The following ABCA3 variants were observed in gnomAD, a reference collection of about 807,000 sequenced individuals.
The protein encoded by ABCA3 is phospholipid-transporting ATPase ABCA3.
ABCA3 carries 88 observed loss-of-function variants against 172.8 expected under a neutral mutation model. The observed-to-expected ratio is 0.51, with a 90% CI of 0.43 to 0.61. The LOEUF (loss-of-function observed/expected upper bound fraction) is 0.61, where lower values mean the gene tolerates loss of function less well. Ranked by LOEUF, ABCA3 falls within the 20% of genes least tolerant of loss-of-function variation. The pLI, the probability that ABCA3 is intolerant of heterozygous loss-of-function variation, is 0.00. For synonymous variants in ABCA3, 1,066 were observed against 983.8 expected (o/e 1.08, Z -1.56); for missense variants, 2,164 against 2,301.0 (o/e 0.94, Z 1.22).
chr16:2,276,752 G>A lies in ABCA3; in HGVS notation c.5037C>T (p.Ser1679=), dbSNP rs558489414. The change falls in exon 33 of 33, where the codon TCC becomes TCT. Residue 1679 remains serine, a synonymous_variant. Coordinates refer to ENST00000301732, the MANE Select transcript of ABCA3 (RefSeq NM_001089.3). ...CCTGTTCCAGCGAGATCTGGCTCAC[G>A]GAGTAGTCGTCCACGCCGTACTTTT... ...AKEKYGVDDY[S]VSQISLEQVF... is the part of the protein sequence containing the mutation. 2.2e-5 allele frequency: 35 copies of A among 1,614,012 alleles called. No homozygotes were observed. In the Middle Eastern group the frequency reaches 4.9e-4, roughly 23 times the overall value.
rs1263339711 is a variant in ABCA3 at position 2,295,670 on chromosome 16, G to T, written c.2334C>A (p.His778Gln). The change falls in exon 18 of 33, where the codon CAC (histidine) becomes CAA (glutamine). Residue 778 changes from histidine to glutamine, a missense_variant. By Grantham distance (24) the His-to-Gln change is conservative. Around this residue, in one of 3 missense-constraint regions of ABCA3, gnomAD observed 1,343 missense variants for 1,369.6 expected, o/e 0.98. Transcript: ENST00000301732. ...CCAGCGTGGCGTTGGGCACGTGGTG[G>T]TGGACCAGCTGGGAGATGTCTTCCG... ...CNPEDISQLV[H>Q]HHVPNATLES... 9 of 1,614,078 alleles carry T rather than the reference G, an allele frequency of 5.6e-6. No individual in the cohort carries two copies. The highest frequency in any genetic ancestry group is 3.3e-4 in the Middle Eastern group (2 of 6,062).
At position 2,297,292 on chromosome 16, in the gene ABCA3, G is replaced by T; in HGVS notation, c.2263+37C>A. ...GCCATTCCCTCAGCACGGCAGCCAG[G>T]ACACCGACCCTGTCGCGGGCTGGCC... On this transcript the variant is annotated intron_variant, in intron 17 of 32. Coordinates refer to ENST00000301732, the MANE Select transcript of ABCA3 (RefSeq NM_001089.3). The surrounding 1 kb of genome is among the most constrained non-coding windows in gnomAD (Gnocchi z 5.6). 1 of 1,603,306 alleles carries T rather than the reference G, an allele frequency of 6.2e-7. No homozygotes were observed. Among genetic ancestry groups the T allele is most frequent in the South Asian group, 1.1e-5 (1 of 90,844 alleles).
chr16:2,288,065 C>T lies in ABCA3; in HGVS notation c.2965G>A (p.Ala989Thr), dbSNP rs753800479. The T allele has an allele frequency of 2.2e-5, 35 of 1,612,184 alleles. No individual in the cohort carries two copies. Among genetic ancestry groups the T allele is most frequent in the Middle Eastern group, 1.7e-4 (1 of 6,056 alleles). ...GGCTCCTGTCCCTCAGCCTGCAGTG[C>T]GTCTTTCAGATGCTCTGACAGCTGC... is the stretch of plus-strand genomic sequence containing the variant. ...GQQLSEHLKD[A>T]LQAEGQEPRE... The change falls in exon 21 of 33, where the codon GCA becomes ACA. Residue 989 changes from alanine to threonine, a missense_variant. By Grantham distance (58) the Ala-to-Thr change is moderately conservative (BLOSUM62 0). Transcript: ENST00000301732.
In ABCA3 at chr16:2,281,264, C is replaced by T. The variant is rs529812305; in HGVS notation, c.4165-43G>A. On this transcript the variant is annotated intron_variant, in intron 27 of 32. Coordinates refer to ENST00000301732, the MANE Select transcript of ABCA3 (RefSeq NM_001089.3). This position sits in a 1 kb window ranked among gnomAD's most constrained non-coding sequence, Gnocchi z 4.7. ...AAAACACGGAATGCGGAGGCCTGGA[C>T]GCAAAGCAGAGCAGTCTGAGCCTCA... is the stretch of plus-strand genomic sequence containing the variant. 8.8e-5 allele frequency: 142 copies of T among 1,613,172 alleles called. No individual in the cohort carries two copies. The highest frequency in any genetic ancestry group is 5.2e-4 in the South Asian group (47 of 91,084).
intron 9 of ABCA3, 42 bp downstream of exon 9, chr16:2,317,606 C>T (rs1318249455): frequency 1.7e-5 from 27 of 1,609,106 alleles, no homozygotes; most frequent in South Asian, 5.5e-5. Context: ...GGTGCCCTGG[C>T]TCTCCCCGTC....
At chr16:2,318,984 G>C (rs1253128491) in intron 8 of ABCA3, among the ~76,000 whole-genome samples, 1 of 151,116 alleles carries the variant, frequency 6.6e-6, no homozygotes, top group Non-Finnish European at 1.5e-5. Context: ...TCATTTTATA[G>C]CCCACTGCTG....
chr16:2,289,660 C>T (rs766370716), intron 19 of ABCA3, 40 bp from the exon 20 acceptor site: 13 of 1,540,104 alleles, frequency 8.4e-6, no homozygotes, highest in Admixed American at 2.0e-5. Context: ...GACCCAGCTC[C>T]CCGGGTGGGT....
At position 2,278,101 on chromosome 16, in the gene ABCA3, TG is replaced by T; in HGVS notation, c.4719-33del. 1 of 1,612,716 alleles carries T rather than the reference TG, an allele frequency of 6.2e-7. No homozygotes were observed. The highest frequency in any genetic ancestry group is 2.2e-5 in the East Asian group (1 of 44,882). ...AGAGGGCGGGACCTCAGATAGGGCTTGGGGTGCCAAAGGCTTGTGCAGACAG... is the reference window on the plus strand; with the variant it reads ...AGAGGGCGGGACCTCAGATAGGGCTTGGGTGCCAAAGGCTTGTGCAGACAG... On this transcript the variant is annotated intron_variant, in intron 30 of 32. Transcript: ENST00000301732. The surrounding 1 kb of genome is among the most constrained non-coding windows in gnomAD (Gnocchi z 4.4).
At chr16:2,307,991 G>A (rs543475397) in intron 11 of ABCA3, among the ~76,000 whole-genome samples, 1 of 152,230 alleles carries the variant, frequency 6.6e-6, no homozygotes, top group East Asian at 1.9e-4. Context: ...CTATTCAGGA[G>A]GCTGAGGCAG....
At chr16:2,323,356 G>C in intron 7 of ABCA3, 167 bp downstream of exon 7, 2 of 835,932 alleles carry the variant, frequency 2.4e-6, no homozygotes, top group Non-Finnish European at 4.0e-6. Flanking sequence ...ACATGCACAC[G>C]TATGTTTATT....
In ABCA3 at chr16:2,283,137, A is replaced by C. The variant is rs770229669; in HGVS notation, c.4035+49T>G. 32 of 1,580,398 alleles carry C rather than the reference A, an allele frequency of 2.0e-5. No homozygotes were observed. The highest frequency in any genetic ancestry group is 3.5e-5 in the Admixed American group (2 of 56,982). On this transcript the variant is annotated intron_variant, in intron 26 of 32. Transcript: ENST00000301732. The surrounding 1 kb of genome is among the most constrained non-coding windows in gnomAD (Gnocchi z 5.4). ...CCCAGGTTGTGCTGGGCCCAAGCAG[A>C]GACGTGGGGAGCATCTCGCCAGTGT... is the stretch of plus-strand genomic sequence containing the variant.
In ABCA3 at chr16:2,277,840, AGGGCCCACCCAGTGGGGGCTGCC is replaced by A. The variant is rs1161139763; in HGVS notation, c.4909+16_4909+38del. ...ATGGGAGAGGCCTAGGTAGGGGCCC[AGGGCCCACCCAGTGGGGGCTGCC>A]GGGGCCGGCACACACCTGGAAAGGT... is the stretch of plus-strand genomic sequence containing the variant. On this transcript the variant is annotated intron_variant, in intron 31 of 32. Transcript: ENST00000301732. This position sits in a 1 kb window ranked among gnomAD's most constrained non-coding sequence, Gnocchi z 5.3. The A allele has an allele frequency of 1.2e-6, 2 of 1,606,580 alleles. No homozygotes were observed. The highest frequency in any genetic ancestry group is 1.7e-5 in the Admixed American group (1 of 59,688).
intron 11 of ABCA3, 56 bp downstream of exon 11, chr16:2,308,394 G>C: frequency 6.2e-7 from 1 of 1,608,280 alleles, no homozygotes; most frequent in Non-Finnish European, 8.5e-7. Context: ...TTGTGGTTGG[G>C]TGCTCTCGAA....
intron 9 of ABCA3, 45 bp downstream of exon 9, chr16:2,317,602 CT>C (rs749318306): frequency 1.2e-6 from 2 of 1,607,844 alleles, no homozygotes; most frequent in South Asian, 1.1e-5. Context: ...CTGGGGTGCC[CT>C]GGCTCTCCCC....
chr16:2,304,576 G>C (rs1323168714), intron 11 of ABCA3, among the ~76,000 whole-genome samples: 1 of 144,634 alleles, frequency 6.9e-6, no homozygotes, highest in African/African-American at 2.6e-5. Flanking sequence ...CTGCGATCTC[G>C]GCTCACTGCA....
intron 28 of ABCA3, among the ~76,000 whole-genome samples, chr16:2,280,722 C>A (rs184665213): frequency 3.9e-5 from 6 of 152,324 alleles, no homozygotes; most frequent in African/African-American, 1.4e-4. Context: ...GGCCTCTAAC[C>A]CCACACCTGA....
Position 2,326,191 on chromosome 16 carries a change from A to C in ABCA3, c.138T>G (p.Ile46Met). 1 of 1,614,122 alleles carries C rather than the reference A, an allele frequency of 6.2e-7. No individual in the cohort carries two copies. Among genetic ancestry groups the C allele is most frequent in the Non-Finnish European group, 8.5e-7 (1 of 1,180,024 alleles). Residue 46 changes from isoleucine (I) to methionine (M), a missense_variant, in exon 5 of 33, where the codon ATT becomes ATG. Physicochemically the swap from Ile to Met is conservative, Grantham distance 10. This residue lies in a region of ABCA3 where 1,343 missense variants were observed against 1,369.6 expected (regional missense o/e 0.98). Coordinates refer to ENST00000301732, the MANE Select transcript of ABCA3 (RefSeq NM_001089.3). ...SGILIWLRLK[I>M]QSENVPNATI... Reference sequence around the variant, plus strand: ...TGGCGTTGGGCACATTTTCCGACTGAATCTTCAAGCGGAGCCAGATGAGGA... The same window carrying C: ...TGGCGTTGGGCACATTTTCCGACTGCATCTTCAAGCGGAGCCAGATGAGGA...
In ABCA3 at chr16:2,319,726, T is replaced by C; in HGVS notation, c.728A>G (p.Lys243Arg). 1 of 1,613,862 alleles carries C rather than the reference T, an allele frequency of 6.2e-7. No homozygotes were observed. ...QLFQRLTVTI[K>R]RFPYPPFIAD... ...GATGAACGGCGGGTACGGGAACCTCTTGATGGTCACCGTCAGTCTCTGGAA... is the reference window on the plus strand; with the variant it reads ...GATGAACGGCGGGTACGGGAACCTCCTGATGGTCACCGTCAGTCTCTGGAA... The change falls in exon 8 of 33, where the codon AAG becomes AGG. Residue 243 changes from lysine (K) to arginine (R), a missense_variant. Around this residue, in one of 3 missense-constraint regions of ABCA3, gnomAD observed 1,343 missense variants for 1,369.6 expected, o/e 0.98. Coordinates refer to ENST00000301732, the MANE Select transcript of ABCA3 (RefSeq NM_001089.3).
chr16:2,300,843 G>C (rs749439879), intron 12 of ABCA3, among the ~76,000 whole-genome samples: 9 of 152,226 alleles, frequency 5.9e-5, no homozygotes, highest in Non-Finnish European at 1.3e-4. Flanking sequence ...TCCACGCCCA[G>C]TGCACTTCCA....
Sources: gnomAD v4.1 joint callset for allele counts (sites outside exome capture counted in the v4.1 genomes callset) on GRCh38, gnomAD v4.1.1 for gene constraint, gnomAD v4.1.1 regional missense constraint, Gnocchi (gnomAD v3.1) non-coding constraint, MANE v1.5 for transcripts, NCBI Gene and HGNC (gene_info 2026-07-23, HGNC 2026-07-21) for gene names.